The following PRIM2 variants were observed in gnomAD, a reference collection of about 807,000 sequenced individuals.
The protein encoded by PRIM2 is DNA primase subunit 2.
Under a neutral mutation model 67.3 loss-of-function variants are expected in PRIM2, and 39 were observed. That is an observed-to-expected ratio of 0.58 (90% confidence interval 0.45 to 0.76). PRIM2 has a LOEUF of 0.76. Ranked by LOEUF, PRIM2 falls within the 30% of genes least tolerant of loss-of-function variation. The probability of loss-of-function intolerance (pLI) is 0.00; values close to 1 mark genes in which losing one functional copy is unlikely to be tolerated. For synonymous variants in PRIM2, 143 were observed against 198.7 expected (o/e 0.72, Z 2.36); for missense variants, 398 against 598.7 (o/e 0.66, Z 3.50).
intron 10 of PRIM2, among the ~76,000 whole-genome samples, chr6:57,573,657 G>A (rs1423848852): frequency 2.6e-5 from 4 of 152,126 alleles, no homozygotes; most frequent in African/African-American, 9.7e-5. Context: ...GAGAAAAGTT[G>A]TTTCATGTGA....
intron 7 of PRIM2, among the ~76,000 whole-genome samples, chr6:57,440,833 C>T (rs1381453547): frequency 6.6e-6 from 1 of 152,192 alleles, no homozygotes. Flanking sequence ...TATAGAATTT[C>T]CTACAGACAA....
the PRIM2 span, among the ~76,000 whole-genome samples, chr6:57,223,317 AGAAGAGGGGCTTCCAGTTAGCAACTG>A: frequency 1.3e-5 from 2 of 152,192 alleles, no homozygotes; most frequent in Admixed American, 6.5e-5. Flanking sequence ...GTTAGCGACT[AGAAGAGGGGCTTCCAGTTAGCAACTG>A]GAAGAGGGGC....
intron 10 of PRIM2, among the ~76,000 whole-genome samples, chr6:57,543,029 C>A (rs1266232735): frequency 7.1e-6 from 1 of 140,508 alleles, no homozygotes; most frequent in African/African-American, 2.7e-5. Flanking sequence ...GGCTCCGCCC[C>A]CTGGGCTTCA....
intron 7 of PRIM2, among the ~76,000 whole-genome samples, chr6:57,438,325 G>T (rs1726362202): frequency 6.6e-6 from 1 of 152,166 alleles, no homozygotes; most frequent in South Asian, 2.1e-4. Flanking sequence ...TTGTGGCTGG[G>T]TTTACATACT....
chr6:57,511,636 C>A (rs1774370671), intron 8 of PRIM2, among the ~76,000 whole-genome samples: 2 of 151,996 alleles, frequency 1.3e-5, no homozygotes, highest in South Asian at 4.2e-4. Flanking sequence ...GAAATTTATT[C>A]TTTTTTTGTT....
the PRIM2 span, among the ~76,000 whole-genome samples, chr6:57,269,024 A>G: frequency 2.6e-5 from 4 of 151,598 alleles, no homozygotes; most frequent in African/African-American, 9.7e-5. Context: ...TTCTTAATCC[A>G]GTCTATCATT....
At chr6:57,250,409 G>C in the PRIM2 span, among the ~76,000 whole-genome samples, 1 of 151,982 alleles carries the variant, frequency 6.6e-6, no homozygotes, top group Non-Finnish European at 1.5e-5. Flanking sequence ...TATAATCCAA[G>C]GGAAAAAATT....
chr6:57,374,419 G>A (rs1006216835), intron 5 of PRIM2, among the ~76,000 whole-genome samples: 18 of 148,888 alleles, frequency 1.2e-4, no homozygotes, highest in Non-Finnish European at 2.2e-4. Context: ...TCAGCCTCCC[G>A]TGTAGCTGGG....
intron 7 of PRIM2, among the ~76,000 whole-genome samples, chr6:57,419,130 T>C (rs1771377616): frequency 6.6e-6 from 1 of 152,070 alleles, no homozygotes; most frequent in Non-Finnish European, 1.5e-5. Flanking sequence ...AGGATGCTCT[T>C]GCAATATTCA....
At chr6:57,468,335 T>A (rs1227332856) in intron 7 of PRIM2, among the ~76,000 whole-genome samples, 1 of 152,222 alleles carries the variant, frequency 6.6e-6, no homozygotes, top group East Asian at 1.9e-4. Context: ...GTTTTTAGTA[T>A]GAAGAAGTGT....
chr6:57,627,511 C>T (rs1240896395), intron 12 of PRIM2, among the ~76,000 whole-genome samples: 1 of 151,332 alleles, frequency 6.6e-6, no homozygotes, highest in Admixed American at 6.6e-5. Context: ...GCCTCAGCCT[C>T]CTGAGTAGCT....
At chr6:57,408,868 A>G (rs1770990080) in intron 7 of PRIM2, among the ~76,000 whole-genome samples, 1 of 151,986 alleles carries the variant, frequency 6.6e-6, no homozygotes, top group South Asian at 2.1e-4. Context: ...ATACCAGTAC[A>G]CCTGGCTAAT....
At chr6:57,476,442 T>C (rs1773479361) in intron 7 of PRIM2, among the ~76,000 whole-genome samples, 2 of 152,334 alleles carry the variant, frequency 1.3e-5, no homozygotes, top group East Asian at 1.9e-4. Flanking sequence ...GCTACTTGAG[T>C]GAACTACAGT....
At chr6:57,243,048 T>C in the PRIM2 span, among the ~76,000 whole-genome samples, 1 of 152,216 alleles carries the variant, frequency 6.6e-6, no homozygotes, top group South Asian at 2.1e-4. Context: ...GAAGGATAAG[T>C]GGTTCTTAGA....
At chr6:57,503,653 G>A (rs1233309487) in intron 7 of PRIM2, among the ~76,000 whole-genome samples, 2 of 152,100 alleles carry the variant, frequency 1.3e-5, no homozygotes, top group African/African-American at 4.8e-5. Context: ...GGAGGCTGAG[G>A]CAGGAGAATT....
chr6:57,461,359 T>C (rs1400685325), intron 7 of PRIM2, among the ~76,000 whole-genome samples: 1 of 152,152 alleles, frequency 6.6e-6, no homozygotes, highest in Non-Finnish European at 1.5e-5. Flanking sequence ...TGGATAAACC[T>C]TGTAGTTCAG....
intron 11 of PRIM2, among the ~76,000 whole-genome samples, chr6:57,604,472 AT>A (rs1776525634): frequency 6.6e-6 from 1 of 152,064 alleles, no homozygotes; most frequent in African/African-American, 2.4e-5. Flanking sequence ...CTTTTGCCTG[AT>A]TGCTCTGGGT....
intron 7 of PRIM2, among the ~76,000 whole-genome samples, chr6:57,392,334 C>A (rs1770379311): frequency 1.3e-5 from 2 of 152,210 alleles, no homozygotes; most frequent in South Asian, 4.2e-4. Context: ...AGTTTGATTT[C>A]CTGTCTTCCT....
At chr6:57,384,002 C>T (rs1770049388) in intron 7 of PRIM2, among the ~76,000 whole-genome samples, 1 of 152,136 alleles carries the variant, frequency 6.6e-6, no homozygotes, top group South Asian at 2.1e-4. Context: ...TCTGTTAGCT[C>T]ATAAAAGTGA....
Sources: gnomAD v4.1 joint callset for allele counts (sites outside exome capture counted in the v4.1 genomes callset) on GRCh38, gnomAD v4.1.1 for gene constraint, MANE v1.5 for transcripts, NCBI Gene and HGNC (gene_info 2026-07-23, HGNC 2026-07-21) for gene names.